BBS4: variants seen among roughly 807,000 people sequenced by gnomAD.
The protein encoded by BBS4 is BBSome complex member BBS4.
BBS4 carries 58 observed loss-of-function variants against 71.4 expected under a neutral mutation model. The ratio of observed to expected loss-of-function variants is 0.81; its 90% CI spans 0.66 to 1.01. The LOEUF is 1.01. Among genes scored for constraint, BBS4 ranks in the 50% least tolerant of loss-of-function variants. The pLI, the probability that BBS4 is intolerant of heterozygous loss-of-function variation, is 0.00. For synonymous variants in BBS4, 228 were observed against 216.8 expected, an observed-to-expected ratio of 1.05 and a Z score of -0.46; for missense variants, 660 against 607.9, an observed-to-expected ratio of 1.09 and a Z score of -0.90.
chr15:72,692,747 A>G (rs917764467), intron 1 of BBS4, among the ~76,000 whole-genome samples: 2 of 151,898 alleles, frequency 1.3e-5, no homozygotes, highest in African/African-American at 4.8e-5. Context: ...GGCACCTGCC[A>G]CTATGCCTGG....
At chr15:72,717,411 T>A (rs558556906) in intron 6 of BBS4, 3 of 154,368 alleles carry the variant, frequency 1.9e-5, no homozygotes, top group Non-Finnish European at 4.3e-5. Flanking sequence ...GGTAAGTAGT[T>A]GCTGGCATTG....
At chr15:72,691,826 G>A (rs1281392708) in intron 1 of BBS4, among the ~76,000 whole-genome samples, 3 of 152,134 alleles carry the variant, frequency 2.0e-5, no homozygotes, top group African/African-American at 4.8e-5. Flanking sequence ...AGCAGGATGC[G>A]GTGCTGCGCG....
At chr15:72,690,122 A>T (rs988752881) in intron 1 of BBS4, among the ~76,000 whole-genome samples, 2 of 152,108 alleles carry the variant, frequency 1.3e-5, no homozygotes, top group Non-Finnish European at 2.9e-5. Context: ...AATTTTTTTT[A>T]TAATGCCCTG....
chr15:72,689,165 C>T (rs374626827), intron 1 of BBS4, among the ~76,000 whole-genome samples: 2 of 151,816 alleles, frequency 1.3e-5, no homozygotes, highest in Non-Finnish European at 2.9e-5. Context: ...CATATAGATC[C>T]GTAGATAAGG....
At position 72,715,407 on chromosome 15, in the gene BBS4, G is replaced by A. The variant is rs758789705; in HGVS notation, c.332+5G>A. 4.4e-6 allele frequency: 7 copies of A among 1,602,128 alleles called. No individual in the cohort carries two copies. Among genetic ancestry groups the A allele is most frequent in the African/African-American group, 1.3e-5 (1 of 74,766 alleles). On this transcript the variant is annotated splice_donor_5th_base_variant and intron_variant, in intron 5 of 15. Transcript: ENST00000268057. ...CAAGCAGGTGGCCAGATCTTTGTGA[G>A]TATTGGCAACCTGGAGGCCCTAGGG...
intron 4 of BBS4, among the ~76,000 whole-genome samples, chr15:72,714,464 G>C (rs2065433850): frequency 6.6e-6 from 1 of 152,120 alleles, no homozygotes; most frequent in Non-Finnish European, 1.5e-5. Context: ...GACCTCAGGT[G>C]ATCCACCTGC....
intron 2 of BBS4, chr15:72,704,491 T>G: frequency 7.9e-7 from 1 of 1,262,066 alleles, no homozygotes; most frequent in Non-Finnish European, 1.0e-6. Flanking sequence ...GGTAAAATTC[T>G]AATTGTAAAT....
intron 2 of BBS4, among the ~76,000 whole-genome samples, chr15:72,706,085 G>A (rs991977102): frequency 6.6e-6 from 1 of 152,074 alleles, no homozygotes; most frequent in Non-Finnish European, 1.5e-5. Context: ...GGGTCATGCA[G>A]TTGAGACTTG....
intron 2 of BBS4, among the ~76,000 whole-genome samples, chr15:72,699,179 C>T (rs569508147): frequency 2.2e-4 from 33 of 152,072 alleles, no homozygotes; most frequent in Admixed American, 1.4e-3. Flanking sequence ...CTCTGCCTCC[C>T]GGGTTCAAGT....
chr15:72,738,231 T>C lies in BBS4; in HGVS notation c.*644T>C, dbSNP rs1362615953. 6 of 453,814 alleles carry C rather than the reference T, an allele frequency of 1.3e-5. No homozygotes were observed. In the Admixed American group the frequency reaches 1.4e-4, roughly 11 times the overall value. 28.1% of individuals were successfully genotyped at this position (453,814 alleles called of 1,614,324 possible). A position where few individuals can be genotyped will look rare whatever the true frequency, so the allele number is the denominator to read the frequency against. ...GGGTCAGTCTAGAAGCTAGATCCTA[T>C]CAGGATGAGGAGCAGCAGCCCAGGG... On this transcript the variant is annotated 3_prime_UTR_variant, in exon 16 of 16. Coordinates refer to ENST00000268057, the MANE Select transcript of BBS4 (RefSeq NM_033028.5).
rs887588951 is a variant in BBS4, at chr15:72,689,241, T to C, written c.24+2990T>C. On this transcript the variant is annotated intron_variant, in intron 1 of 15. Transcript: ENST00000268057. ...CTCACAGAATTTTTGAAGAAATGTATAGCTAAAAATCTAAGAAGGCTACAG... is the reference window on the plus strand; with the variant it reads ...CTCACAGAATTTTTGAAGAAATGTACAGCTAAAAATCTAAGAAGGCTACAG... Among the ~76,000 whole-genome samples, 3 of 152,278 alleles carry C rather than the reference T, an allele frequency of 2.0e-5. No homozygotes were observed. The East Asian group carries it at 5.8e-4, about 29-fold the overall frequency.
chr15:72,698,903 A>G (rs2065124064), intron 2 of BBS4, among the ~76,000 whole-genome samples: 1 of 152,202 alleles, frequency 6.6e-6, no homozygotes, highest in African/African-American at 2.4e-5. Context: ...TTATAGAGTT[A>G]CAAGGTAATT....
rs775532255 is a variant in BBS4, at chr15:72,738,370, A to G, written c.*783A>G. ...ACTGACCAGATGCTATCAATACACT[A>G]TGTGTCCTTTTTAGAATAAAGATTA... On this transcript the variant is annotated 3_prime_UTR_variant, in exon 16 of 16. Transcript: ENST00000268057. 8.8e-5 allele frequency: 39 copies of G among 441,662 alleles called. No homozygotes were observed. The highest frequency in any genetic ancestry group is 5.3e-4 in the African/African-American group (26 of 49,306). The allele number at this position is 441,662 out of a possible 1,614,324, so 27.4% of individuals were successfully genotyped here.
chr15:72,686,936 A>C (rs35770446), intron 1 of BBS4: 4,546 of 223,952 alleles, frequency 0.02, 88 homozygotes, highest in South Asian at 0.04. Context: ...AGGTATTCGG[A>C]ATTTATTGTC....
At chr15:72,697,952 A>G (rs1334461270) in intron 2 of BBS4, 2 of 455,816 alleles carry the variant, frequency 4.4e-6, no homozygotes, top group East Asian at 6.9e-5. Flanking sequence ...ACATGAGGCT[A>G]CTGAAGTCCT....
chr15:72,689,316 C>T (rs910083106), intron 1 of BBS4, among the ~76,000 whole-genome samples: 7 of 152,206 alleles, frequency 4.6e-5, no homozygotes, highest in African/African-American at 1.4e-4. Context: ...GTAAAACTAG[C>T]CCAGTGTGGG....
chr15:72,687,124 C>CTTTTTTTTTTTTTTTTTTTTTTTTTTTT lies in BBS4; in HGVS notation c.24+883_24+884insTTTTTTTTTTTTTTTTTTTTTTTTTTTT, dbSNP rs1458417621. On this transcript the variant is annotated intron_variant, in intron 1 of 15. Transcript: ENST00000268057. ...AATTAGAAAACTCTGAAGACAGAAA[C>CTTTTTTTTTTTTTTTTTTTTTTTTTTTT]TTTTTTTTTTGAGACGGAGTGTCGC... Among the ~76,000 whole-genome samples, 4 of 76,210 alleles carry CTTTTTTTTTTTTTTTTTTTTTTTTTTTT rather than the reference C, an allele frequency of 5.2e-5. 1 individual carries two copies. The highest frequency in any genetic ancestry group is 9.7e-5 in the African/African-American group (2 of 20,524). The allele number at this position is 76,210 out of a possible 152,430, so 50.0% of individuals were successfully genotyped here.
chr15:72,735,858 G>A lies in BBS4; in HGVS notation c.1140G>A (p.Val380=), dbSNP rs141511580. 4.9e-5 allele frequency: 79 copies of A among 1,614,158 alleles called. No homozygotes were observed. The African/African-American group carries it at 1.1e-3, about 22-fold the overall frequency. ...CNPLVNLNYA[V]LLYNQGEKKN... ...CTTTAGTAAACCTGAACTATGCTGT[G>A]CTGCTGTACAACCAGGGCGAGAAGA... Residue 380 remains valine, a synonymous_variant, in exon 14 of 16, where the codon GTG becomes GTA. Coordinates refer to ENST00000268057, the MANE Select transcript of BBS4 (RefSeq NM_033028.5).
rs990600884 is a variant in BBS4 at position 72,726,006 on chromosome 15, CCT to C, written c.587+1357_587+1358del. ...CCCATCTCCCTTCCCCTTTCCCCTC[CCT>C]CTCTCCCTTCCTTCCTTTTTCTCTC... On this transcript the variant is annotated intron_variant, in intron 8 of 15. Coordinates refer to ENST00000268057, the MANE Select transcript of BBS4 (RefSeq NM_033028.5). Among the ~76,000 whole-genome samples the C allele has an allele frequency of 7.4e-5, 10 of 134,922 alleles. No homozygotes were observed. The East Asian group carries it at 1.8e-3, about 24-fold the overall frequency. The allele number at this position is 134,922 out of a possible 152,430, so 88.5% of individuals were successfully genotyped here. A position where few individuals can be genotyped will look rare whatever the true frequency, so the allele number is the denominator to read the frequency against.
Sources: allele counts gnomAD v4.1 joint callset (sites outside exome capture counted in the v4.1 genomes callset), GRCh38; gene constraint gnomAD v4.1.1; transcripts MANE v1.5; gene names NCBI Gene and HGNC (gene_info 2026-07-23, HGNC 2026-07-21).